The following GNAT3 variants were observed in gnomAD, a reference collection of about 807,000 sequenced individuals.
The protein encoded by GNAT3 is G protein subunit alpha transducin 3.
Under a neutral mutation model 37.7 loss-of-function variants are expected in GNAT3, and 31 were observed. The observed-to-expected ratio is 0.82, with a 90% CI of 0.62 to 1.11. The LOEUF (loss-of-function observed/expected upper bound fraction) is 1.11, where lower values mean the gene tolerates loss of function less well. Among genes scored for constraint, GNAT3 ranks in the 50% most tolerant of loss-of-function variants. The probability of loss-of-function intolerance (pLI) is 0.00; values close to 1 mark genes in which losing one functional copy is unlikely to be tolerated. For missense variants in GNAT3, 437 were observed against 412.5 expected, an observed-to-expected ratio of 1.06 and a Z score of -0.51; for synonymous variants, 138 against 139.8, an observed-to-expected ratio of 0.99 and a Z score of 0.09.
At chr7:80,458,951 A>T in intron 7 of GNAT3, 90 bp from the exon 8 acceptor site, 2 of 861,038 alleles carry the variant, frequency 2.3e-6, no homozygotes, top group Non-Finnish European at 1.7e-6. Context: ...TTAGGATTTT[A>T]CTTTGATATA....
intron 5 of GNAT3, among the ~76,000 whole-genome samples, chr7:80,467,921 G>A (rs1790152059): frequency 6.6e-6 from 1 of 151,636 alleles, no homozygotes; most frequent in Non-Finnish European, 1.5e-5. Flanking sequence ...TTTTGTGTGG[G>A]GTTTTTTGGT....
chr7:80,493,321 T>A (rs1181859269), intron 2 of GNAT3, among the ~76,000 whole-genome samples: 1 of 152,088 alleles, frequency 6.6e-6, no homozygotes, highest in Non-Finnish European at 1.5e-5. Context: ...AACTCAAAAA[T>A]GGTGCAATCC....
intron 5 of GNAT3, among the ~76,000 whole-genome samples, 183 bp from the exon 6 acceptor site, chr7:80,462,814 A>G (rs17153970): frequency 0.28 from 42,776 of 152,126 alleles, 6,899 homozygotes; most frequent in East Asian, 0.6. Context: ...CAGAGAAAAA[A>G]CAGTCTTTTA....
At chr7:80,494,388 G>C (rs2116207244) in intron 2 of GNAT3, among the ~76,000 whole-genome samples, 1 of 152,216 alleles carries the variant, frequency 6.6e-6, no homozygotes, top group South Asian at 2.1e-4. Flanking sequence ...GTCTTATTGA[G>C]AGGCACATTT....
At chr7:80,468,951 T>G (rs940084631) in intron 5 of GNAT3, among the ~76,000 whole-genome samples, 1 of 152,136 alleles carries the variant, frequency 6.6e-6, no homozygotes. Flanking sequence ...AAACATCATA[T>G]TTTATAACTT....
chr7:80,464,335 A>C (rs1280529366), intron 5 of GNAT3, among the ~76,000 whole-genome samples: 1 of 152,082 alleles, frequency 6.6e-6, no homozygotes, highest in East Asian at 1.9e-4. Context: ...GTTGAGCCAA[A>C]TGGATATCTG....
At chr7:80,509,894 T>C (rs1470420272) in intron 1 of GNAT3, among the ~76,000 whole-genome samples, 2 of 152,188 alleles carry the variant, frequency 1.3e-5, no homozygotes, top group South Asian at 2.1e-4. Flanking sequence ...CAACACGATA[T>C]GTTGAAGTAA....
intron 3 of GNAT3, among the ~76,000 whole-genome samples, chr7:80,482,259 C>T (rs1790403073): frequency 6.6e-6 from 1 of 152,118 alleles, no homozygotes; most frequent in South Asian, 2.1e-4. Context: ...AAGAGAACTG[C>T]AAGTTCAGTG....
At chr7:80,483,620 C>G (rs1233264962) in intron 3 of GNAT3, among the ~76,000 whole-genome samples, 2 of 152,062 alleles carry the variant, frequency 1.3e-5, no homozygotes, top group African/African-American at 4.8e-5. Flanking sequence ...CCCTCTTTCC[C>G]TCCTTTCTCC....
At position 80,488,640 on chromosome 7, in the gene GNAT3, G is replaced by A; in HGVS notation, c.198C>T (p.Cys66=). The change falls in exon 3 of 8, where the codon TGC becomes TGT. Residue 66 remains cysteine, a synonymous_variant. Coordinates refer to ENST00000398291, the MANE Select transcript of GNAT3 (RefSeq NM_001102386.3). The part of the protein sequence containing the change: ...IHKNGYSEQE[C]MEFKAVIYSN... ...TGTAAATTACTGCTTTGAACTCCAT[G>A]CATTCTTGCTCACTGTAACCATTCT... 1.3e-6 allele frequency: 2 copies of A among 1,585,676 alleles called. No homozygotes were observed. Among genetic ancestry groups the A allele is most frequent in the Non-Finnish European group, 1.7e-6 (2 of 1,163,056 alleles).
At chr7:80,488,734 C>G (rs1377170917) in intron 2 of GNAT3, 58 bp from the exon 3 acceptor site, 1 of 1,270,970 alleles carries the variant, frequency 7.9e-7, no homozygotes, top group Non-Finnish European at 1.1e-6. Flanking sequence ...AACACTAAAG[C>G]ACATCCAACT....
chr7:80,500,320 C>T (rs915163854), intron 1 of GNAT3, among the ~76,000 whole-genome samples: 2 of 151,692 alleles, frequency 1.3e-5, no homozygotes, highest in Non-Finnish European at 2.9e-5. Flanking sequence ...CTCCCACAAA[C>T]CACGTGTATC....
At chr7:80,464,709 G>A (rs556758545) in intron 5 of GNAT3, among the ~76,000 whole-genome samples, 267 of 152,020 alleles carry the variant, frequency 1.8e-3, no homozygotes, top group South Asian at 8.3e-3. Flanking sequence ...AGTTATATTT[G>A]GAGTAATAAA....
intron 2 of GNAT3, among the ~76,000 whole-genome samples, chr7:80,493,636 T>C (rs1410089243): frequency 9.1e-5 from 8 of 87,938 alleles, no homozygotes; most frequent in East Asian, 3.3e-4. Flanking sequence ...CCTCCTCCTC[T>C]TTCCTCCTCC....
Position 80,496,047 on chromosome 7 carries a change from C to T in GNAT3, c.119-1400G>A, listed in dbSNP as rs115297444. Reference sequence around the variant, plus strand: ...ATTTCTTTTTCTGTGCAGAGCTTTTCGTTTGTCCCATTGGCCTATTTTTGT... The same window carrying T: ...ATTTCTTTTTCTGTGCAGAGCTTTTTGTTTGTCCCATTGGCCTATTTTTGT... On this transcript the variant is annotated intron_variant, in intron 1 of 7. Coordinates refer to ENST00000398291, the MANE Select transcript of GNAT3 (RefSeq NM_001102386.3). 2.2e-3 allele frequency among the ~76,000 whole-genome samples: 337 copies of T among 152,160 alleles called. 2 individuals are homozygous for T. Among genetic ancestry groups the T allele is most frequent in the African/African-American group, 6.4e-3 (266 of 41,516 alleles).
chr7:80,478,342 A>G (rs1314425015), intron 4 of GNAT3, among the ~76,000 whole-genome samples: 2 of 152,238 alleles, frequency 1.3e-5, no homozygotes, highest in African/African-American at 4.8e-5. Context: ...TTGAGACTCC[A>G]AAAGAATCTC....
chr7:80,476,052 G>A lies in GNAT3; in HGVS notation c.462-1673C>T, dbSNP rs555387221. Among the ~76,000 whole-genome samples, 17 of 152,066 alleles carry A rather than the reference G, an allele frequency of 1.1e-4. No homozygotes were observed. The East Asian group carries it at 3.3e-3, about 29-fold the overall frequency. ...AGTCTGCATGTGTGGTAGGTGTGTTGTTGGTCAGTTAGTTCACGCAAGAGT... is the reference window on the plus strand; with the variant it reads ...AGTCTGCATGTGTGGTAGGTGTGTTATTGGTCAGTTAGTTCACGCAAGAGT... On this transcript the variant is annotated intron_variant, in intron 4 of 7. Coordinates refer to ENST00000398291, the MANE Select transcript of GNAT3 (RefSeq NM_001102386.3).
chr7:80,478,491 G>A (rs150153896), intron 4 of GNAT3, among the ~76,000 whole-genome samples: 1 of 152,144 alleles, frequency 6.6e-6, no homozygotes, highest in Non-Finnish European at 1.5e-5. Flanking sequence ...GGATAGAGAT[G>A]AAATGAATAG....
chr7:80,463,172 AC>A (rs551921678), intron 5 of GNAT3, among the ~76,000 whole-genome samples: 227 of 152,288 alleles, frequency 1.5e-3, no homozygotes, highest in African/African-American at 5.2e-3. Flanking sequence ...AGAGAAAAAA[AC>A]AAATAAGTTA....
Sources: allele counts gnomAD v4.1 joint callset (sites outside exome capture counted in the v4.1 genomes callset), GRCh38; gene constraint gnomAD v4.1.1; transcripts MANE v1.5; gene names NCBI Gene and HGNC (gene_info 2026-07-23, HGNC 2026-07-21).